Variants in CFAP43 observed in about 807,000 individuals in gnomAD.
CFAP43 encodes the protein cilia- and flagella-associated protein 43.
A neutral mutation model predicts 218.9 loss-of-function variants in CFAP43; 155 were observed. That is an observed-to-expected ratio of 0.71 (90% CI 0.62 to 0.81). The LOEUF is 0.81. CFAP43 is among the 30% of genes least tolerant of loss of function. CFAP43 has a pLI of 0.00. For synonymous variants in CFAP43, 645 were observed against 681.3 expected, an observed-to-expected ratio of 0.95 and a Z score of 0.83; for missense variants, 1,778 against 1,954.3, an observed-to-expected ratio of 0.91 and a Z score of 1.70.
chr10:104,138,988 G>T (rs1404401381), intron 34 of CFAP43, among the ~76,000 whole-genome samples: 1 of 152,096 alleles, frequency 6.6e-6, no homozygotes. Context: ...TTCAGCAGAG[G>T]GATGGAAAGT....
At chr10:104,222,306 C>T (rs951356109) in intron 3 of CFAP43, among the ~76,000 whole-genome samples, 1 of 152,218 alleles carries the variant, frequency 6.6e-6, no homozygotes, top group Non-Finnish European at 1.5e-5. Flanking sequence ...CCACTGCTGG[C>T]AAAGCTACTT....
At chr10:104,197,020 T>C in intron 9 of CFAP43, 87 bp from the exon 10 acceptor site, 2 of 959,924 alleles carry the variant, frequency 2.1e-6, no homozygotes, top group South Asian at 1.6e-5. Context: ...AGTGTGCCAA[T>C]GATTTAGTAT....
rs146081855 is a variant in CFAP43 at position 104,164,175 on chromosome 10, C to T, written c.3165G>A (p.Leu1055=). 2 of 1,614,192 alleles carry T rather than the reference C, an allele frequency of 1.2e-6. No homozygotes were observed. Among genetic ancestry groups the T allele is most frequent in the Non-Finnish European group, 1.7e-6 (2 of 1,180,028 alleles). The change falls in exon 24 of 38, where the codon CTG becomes CTA. Residue 1055 remains leucine, a synonymous_variant. Transcript: ENST00000357060. The part of the protein sequence containing the change: ...NVRIREIILD[L]ELEEAVWQPE... ...GTTGCCAGACTGCTTCTTCCAATTC[C>T]AGATCTAAAATAATTTCTCGAATTC...
intron 34 of CFAP43, among the ~76,000 whole-genome samples, chr10:104,140,190 A>C (rs1052081239): frequency 1.3e-5 from 2 of 152,206 alleles, no homozygotes; most frequent in African/African-American, 4.8e-5. Context: ...TCATATTAGA[A>C]AAGAAGTAAG....
At chr10:104,176,531 A>G (rs2089636409) in intron 19 of CFAP43, among the ~76,000 whole-genome samples, 1 of 152,236 alleles carries the variant, frequency 6.6e-6, no homozygotes, top group East Asian at 1.9e-4. Context: ...GAAAGTATTT[A>G]GAGTAGGATG....
At chr10:104,190,092 C>T (rs999387203) in intron 12 of CFAP43, among the ~76,000 whole-genome samples, 5 of 143,228 alleles carry the variant, frequency 3.5e-5, no homozygotes, top group Admixed American at 7.3e-5. Flanking sequence ...GCCAAGATCA[C>T]GCCACTGCAC....
chr10:104,196,635 A>C (rs1367029154), intron 10 of CFAP43, among the ~76,000 whole-genome samples: 1 of 152,138 alleles, frequency 6.6e-6, no homozygotes, highest in Non-Finnish European at 1.5e-5. Context: ...CCACAGAAAA[A>C]CTTATTGTTT....
chr10:104,148,989 C>T (rs2088116009), intron 28 of CFAP43, among the ~76,000 whole-genome samples: 1 of 152,124 alleles, frequency 6.6e-6, no homozygotes, highest in African/African-American at 2.4e-5. Flanking sequence ...TACCTCTGAA[C>T]TTAAAGGTTA....
chr10:104,214,478 T>C, intron 3 of CFAP43, 52 bp from the exon 4 acceptor site: 2 of 1,383,548 alleles, frequency 1.4e-6, no homozygotes, highest in African/African-American at 1.5e-5. Context: ...ATTTCATGTA[T>C]TTAGAACATT....
rs747440738 is a variant in CFAP43, at chr10:104,143,593, A to G, written c.3991T>C (p.Phe1331Leu). Reference protein sequence around the residue: ...THSETTSVVPFGELPGSGKLN... With the variant: ...THSETTSVVPLGELPGSGKLN... ...TTGCCAGATCCTGGTAGTTCTCCGA[A>G]AGGGACAACGCTGGTTGTTTCTGAG... Residue 1331 changes from phenylalanine to leucine, a missense_variant, in exon 32 of 38, where the codon TTC becomes CTC. This residue lies in a region of CFAP43 where 1,553 missense variants were observed against 1,685.2 expected (regional missense o/e 0.92). Coordinates refer to ENST00000357060, the MANE Select transcript of CFAP43 (RefSeq NM_025145.7). 2 of 1,614,194 alleles carry G rather than the reference A, an allele frequency of 1.2e-6. No homozygotes were observed. The highest frequency in any genetic ancestry group is 1.7e-6 in the Non-Finnish European group (2 of 1,180,030).
rs2087978875 is a variant in CFAP43, at chr10:104,146,487, G to C, written c.3769-138C>G. On this transcript the variant is annotated intron_variant, in intron 29 of 37. Transcript: ENST00000357060. ...GTGAAGTATTTATTCATGAAGATAAGATTTATAGAAGAAAATACACCAATT... is the reference window on the plus strand; with the variant it reads ...GTGAAGTATTTATTCATGAAGATAACATTTATAGAAGAAAATACACCAATT... 7.8e-6 allele frequency: 5 copies of C among 638,792 alleles called. No homozygotes were observed. The East Asian group carries it at 1.4e-4, about 18-fold the overall frequency. 39.6% of individuals were successfully genotyped at this position (638,792 alleles called of 1,614,324 possible). A position where few individuals can be genotyped will look rare whatever the true frequency, so the allele number is the denominator to read the frequency against.
At chr10:104,225,823 G>A (rs377029912) in intron 2 of CFAP43, among the ~76,000 whole-genome samples, 4 of 152,148 alleles carry the variant, frequency 2.6e-5, no homozygotes, top group South Asian at 2.1e-4. Flanking sequence ...TGAGCATACC[G>A]CACCATGTAT....
chr10:104,178,405 A>C (rs2134866201), intron 19 of CFAP43, among the ~76,000 whole-genome samples: 1 of 152,352 alleles, frequency 6.6e-6, no homozygotes, highest in Middle Eastern at 3.4e-3. Context: ...TCAAGTTGTA[A>C]AAGCAGAAAT....
At chr10:104,206,159 T>C in intron 6 of CFAP43, 129 bp from the exon 7 acceptor site, 1 of 692,546 alleles carries the variant, frequency 1.4e-6, no homozygotes. Flanking sequence ...TCATCAGATC[T>C]ATGTAACTAA....
rs2089160654 is a variant in CFAP43, at chr10:104,166,498, A to G, written c.3029T>C (p.Ile1010Thr). The change falls in exon 23 of 38, where the codon ATA becomes ACA. Residue 1010 changes from isoleucine (I) to threonine (T), a missense_variant. Physicochemically the swap from Ile to Thr is moderately conservative, Grantham distance 89. This residue lies in a region of CFAP43 where 1,553 missense variants were observed against 1,685.2 expected (regional missense o/e 0.92). Coordinates refer to ENST00000357060, the MANE Select transcript of CFAP43 (RefSeq NM_025145.7). ...AGAAAATTGACCCACTTTCAATAAT[A>G]TAATTTGGTTGATTTTCTCTTCTCT... ...HSREEKINQI[I>T]LLKDIIYKVK... 2 of 1,612,626 alleles carry G rather than the reference A, an allele frequency of 1.2e-6. No individual in the cohort carries two copies. The highest frequency in any genetic ancestry group is 3.3e-5 in the Admixed American group (2 of 59,802).
intron 18 of CFAP43, 147 bp downstream of exon 18, chr10:104,179,693 C>T (rs624159): frequency 1.6e-6 from 1 of 626,580 alleles, no homozygotes; most frequent in East Asian, 2.8e-5. Flanking sequence ...ATTTGCTTTC[C>T]GAAAAGTTAC....
chr10:104,198,953 CCAGA>C (rs1289289268), intron 8 of CFAP43, among the ~76,000 whole-genome samples: 3 of 152,036 alleles, frequency 2.0e-5, no homozygotes, highest in Non-Finnish European at 4.4e-5. Flanking sequence ...GCCTGGTCTC[CCAGA>C]CATTTATTTT....
chr10:104,129,986 A>T lies in CFAP43; in HGVS notation c.*153T>A. 1.1e-6 allele frequency: 1 copy of T among 885,256 alleles called. No homozygotes were observed. Among genetic ancestry groups the T allele is most frequent in the Non-Finnish European group, 1.6e-6 (1 of 623,630 alleles). The allele number at this position is 885,256 out of a possible 1,614,324, so 54.8% of individuals were successfully genotyped here. On this transcript the variant is annotated 3_prime_UTR_variant, in exon 38 of 38. Coordinates refer to ENST00000357060, the MANE Select transcript of CFAP43 (RefSeq NM_025145.7). ...GCAGGACAAAAATTTGTATACAATT[A>T]AGGCTAAAATTAAACAATTTTTTAT...
intron 34 of CFAP43, among the ~76,000 whole-genome samples, chr10:104,137,645 CA>C (rs2087513942): frequency 6.6e-6 from 1 of 151,668 alleles, no homozygotes; most frequent in East Asian, 1.9e-4. Context: ...CCATCTCTAC[CA>C]AAAAAATATA....
Sources: allele counts gnomAD v4.1 joint callset (sites outside exome capture counted in the v4.1 genomes callset), GRCh38; gene constraint gnomAD v4.1.1; regional missense constraint gnomAD v4.1.1; transcripts MANE v1.5; gene names NCBI Gene and HGNC (gene_info 2026-07-23, HGNC 2026-07-21).